Variants in SCFD2 observed in about 807,000 individuals in gnomAD.
SCFD2 encodes the protein sec1 family domain containing 2.
In SCFD2, 54 loss-of-function variants were observed where a neutral mutation model predicts 58.9. That is an observed-to-expected ratio of 0.92 (90% confidence interval 0.74 to 1.15). The LOEUF is 1.15. SCFD2 is among the 50% of genes most tolerant of loss of function. The pLI is 0.00. For missense variants in SCFD2, 805 were observed against 836.6 expected, an observed-to-expected ratio of 0.96 and a Z score of 0.47; for synonymous variants, 321 against 335.9, an observed-to-expected ratio of 0.96 and a Z score of 0.49.
intron 7 of SCFD2, among the ~76,000 whole-genome samples, chr4:52,900,345 T>C (rs1291077857): frequency 6.6e-6 from 1 of 152,240 alleles, no homozygotes; most frequent in East Asian, 1.9e-4. Flanking sequence ...ATGTCCTTTC[T>C]GTTTGTTAGT....
At chr4:52,900,390 T>A (rs949828270) in intron 7 of SCFD2, among the ~76,000 whole-genome samples, 1 of 152,194 alleles carries the variant, frequency 6.6e-6, no homozygotes, top group African/African-American at 2.4e-5. Context: ...CAGCTGCAGG[T>A]CTATTGGAGC....
intron 5 of SCFD2, among the ~76,000 whole-genome samples, chr4:53,081,891 T>A (rs1182046827): frequency 6.6e-6 from 1 of 152,164 alleles, no homozygotes; most frequent in Non-Finnish European, 1.5e-5. Flanking sequence ...CTAGGCAATA[T>A]TAATCTTTCT....
chr4:53,175,089 A>G (rs1277327034), intron 4 of SCFD2, among the ~76,000 whole-genome samples: 1 of 152,194 alleles, frequency 6.6e-6, no homozygotes. Context: ...TACTTTAACA[A>G]TCCCCATAGA....
intron 3 of SCFD2, among the ~76,000 whole-genome samples, chr4:53,308,631 G>C (rs1732588986): frequency 6.6e-6 from 1 of 152,134 alleles, no homozygotes; most frequent in Admixed American, 6.5e-5. Flanking sequence ...TACTCAGCCA[G>C]AACTGGATGA....
intron 5 of SCFD2, among the ~76,000 whole-genome samples, chr4:53,003,933 CATT>C (rs1474080167): frequency 6.6e-6 from 1 of 152,174 alleles, no homozygotes; most frequent in Non-Finnish European, 1.5e-5. Context: ...GAGGAATTCT[CATT>C]AGGAGGATGT....
At chr4:53,138,777 T>G (rs950695162) in intron 5 of SCFD2, among the ~76,000 whole-genome samples, 9 of 152,198 alleles carry the variant, frequency 5.9e-5, no homozygotes, top group Admixed American at 5.9e-4. Context: ...TGCCTTTCCA[T>G]ACAAGGGAAG....
chr4:53,196,104 C>T (rs980944054), intron 4 of SCFD2, among the ~76,000 whole-genome samples: 2 of 152,084 alleles, frequency 1.3e-5, no homozygotes, highest in Non-Finnish European at 2.9e-5. Context: ...TTCCATTACC[C>T]TAAGACTTCA....
intron 5 of SCFD2, among the ~76,000 whole-genome samples, chr4:53,095,953 A>G (rs950734624): frequency 6.6e-6 from 1 of 151,696 alleles, no homozygotes; most frequent in Non-Finnish European, 1.5e-5. Context: ...CCCACCTATT[A>G]GTGAGAACAT....
At chr4:53,075,011 A>T (rs1723931028) in intron 5 of SCFD2, among the ~76,000 whole-genome samples, 1 of 152,108 alleles carries the variant, frequency 6.6e-6, no homozygotes, top group Non-Finnish European at 1.5e-5. Flanking sequence ...CCTAGATGGC[A>T]TCTTCTTCCA....
intron 4 of SCFD2, among the ~76,000 whole-genome samples, chr4:53,228,111 T>C (rs1244664527): frequency 6.6e-6 from 1 of 152,128 alleles, no homozygotes; most frequent in African/African-American, 2.4e-5. Context: ...TTCCTAGAAC[T>C]GTAAGGTTTG....
chr4:53,250,323 G>A (rs894900491), intron 4 of SCFD2, among the ~76,000 whole-genome samples: 1 of 152,126 alleles, frequency 6.6e-6, no homozygotes, highest in Admixed American at 6.6e-5. Context: ...GACCTACAAA[G>A]AGACTTAGAC....
chr4:52,880,369 C>G (rs1373337258), intron 8 of SCFD2, among the ~76,000 whole-genome samples: 1 of 151,580 alleles, frequency 6.6e-6, no homozygotes, highest in Non-Finnish European at 1.5e-5. Context: ...GTAATCCCAG[C>G]ACTTTGGGAG....
At chr4:53,308,524 T>G (rs896794870) in intron 3 of SCFD2, among the ~76,000 whole-genome samples, 2 of 152,018 alleles carry the variant, frequency 1.3e-5, no homozygotes, top group African/African-American at 4.8e-5. Context: ...TATACACACA[T>G]AACAAAGAGA....
intron 5 of SCFD2, among the ~76,000 whole-genome samples, chr4:52,987,731 C>T (rs1346853287): frequency 6.6e-6 from 1 of 152,168 alleles, no homozygotes; most frequent in Non-Finnish European, 1.5e-5. Flanking sequence ...TTTTCATTTA[C>T]TTGACTTATT....
At chr4:53,129,711 T>A (rs773998915) in intron 5 of SCFD2, among the ~76,000 whole-genome samples, 1 of 152,228 alleles carries the variant, frequency 6.6e-6, no homozygotes, top group Non-Finnish European at 1.5e-5. Context: ...TGCAATAATG[T>A]CTCCTAGAAT....
chr4:53,013,977 G>A (rs1722155183), intron 5 of SCFD2, among the ~76,000 whole-genome samples: 1 of 152,170 alleles, frequency 6.6e-6, no homozygotes, highest in South Asian at 2.1e-4. Context: ...GATGCTATAT[G>A]AGAGAGCAAC....
chr4:52,926,617 T>G (rs574383562), intron 5 of SCFD2, among the ~76,000 whole-genome samples: 54 of 152,310 alleles, frequency 3.5e-4, no homozygotes, highest in Non-Finnish European at 6.8e-4. Flanking sequence ...ACTTTAACCC[T>G]GGTCAAGAGG....
chr4:53,331,839 T>TA lies in SCFD2; in HGVS notation c.1008-18077dup, dbSNP rs1267865130. On this transcript the variant is annotated intron_variant, in intron 2 of 8. Transcript: ENST00000401642. ...TTTTTGAAAAGATCAACAAAATTGA[T>TA]AGACCGCTAGCAAGACTAATAAAGA... is the stretch of plus-strand genomic sequence containing the variant. 4.6e-5 allele frequency among the ~76,000 whole-genome samples: 7 copies of TA among 152,046 alleles called. No homozygotes were observed. In the East Asian group the frequency reaches 1.4e-3, roughly 29 times the overall value.
chr4:52,905,282 T>A (rs147104088), intron 7 of SCFD2, among the ~76,000 whole-genome samples: 337 of 152,348 alleles, frequency 2.2e-3, no homozygotes, highest in African/African-American at 7.8e-3. Context: ...GTGTTCCTCT[T>A]TAAGTTCATT....
Sources: gnomAD v4.1 joint callset for allele counts (sites outside exome capture counted in the v4.1 genomes callset) on GRCh38, gnomAD v4.1.1 for gene constraint, MANE v1.5 for transcripts, NCBI Gene and HGNC (gene_info 2026-07-23, HGNC 2026-07-21) for gene names.